The following PUS7 variants were observed in gnomAD, a reference collection of about 807,000 sequenced individuals.
The protein encoded by PUS7 is pseudouridine synthase 7.
Under a neutral mutation model 79.8 loss-of-function variants are expected in PUS7, and 48 were observed. That is an observed-to-expected ratio of 0.60 (90% CI 0.48 to 0.76). The LOEUF (loss-of-function observed/expected upper bound fraction) is 0.76. Among genes scored for constraint, PUS7 ranks in the 30% least tolerant of loss-of-function variants. PUS7 has a pLI of 0.00. For synonymous variants in PUS7, 286 were observed against 272.2 expected, an observed-to-expected ratio of 1.05 and a Z score of -0.50; for missense variants, 729 against 797.6, an observed-to-expected ratio of 0.91 and a Z score of 1.04.
chr7:105,513,456 A>G lies in PUS7; in HGVS notation c.-32-4912T>C, dbSNP rs184230757. Among the ~76,000 whole-genome samples the G allele has an allele frequency of 1.4e-4, 21 of 152,326 alleles. No individual in the cohort carries two copies. The East Asian group carries it at 3.9e-3, about 28-fold the overall frequency. On this transcript the variant is annotated intron_variant, in intron 1 of 15. Transcript: ENST00000469408. The stretch of plus-strand genomic sequence containing the variant: ...TCTCGAATCTGTTTCTTTCTCTGTA[A>G]AAGTAAAATATGATGACTTGGCCAA...
chr7:105,483,239 A>C (rs944234053), intron 7 of PUS7, among the ~76,000 whole-genome samples: 26 of 150,284 alleles, frequency 1.7e-4, no homozygotes, highest in African/African-American at 6.4e-4. Context: ...GCATGATCTC[A>C]GCTCACTCTG....
At chr7:105,514,027 G>A (rs113842306) in intron 1 of PUS7, among the ~76,000 whole-genome samples, 8,134 of 132,604 alleles carry the variant, frequency 0.061, 1,013 homozygotes, top group African/African-American at 0.21. Flanking sequence ...TCAGGAGATC[G>A]AAACCAACCT....
chr7:105,457,667 T>C lies in PUS7; in HGVS notation c.*123A>G. ...CTTTAAGCTAATAAAAACTTAAAAA[T>C]ACAAATAATTTTTATTACAAAGATT... On this transcript the variant is annotated 3_prime_UTR_variant, in exon 16 of 16. Transcript: ENST00000469408. The C allele has an allele frequency of 2.0e-6, 2 of 1,002,038 alleles. No individual in the cohort carries two copies. The highest frequency in any genetic ancestry group is 1.4e-6 in the Non-Finnish European group (1 of 714,554). 62.1% of individuals were successfully genotyped at this position (1,002,038 alleles called of 1,614,324 possible). A position where few individuals can be genotyped will look rare whatever the true frequency, so the allele number is the denominator to read the frequency against.
At chr7:105,499,453 TAA>T (rs1825163420) in intron 5 of PUS7, among the ~76,000 whole-genome samples, 1 of 152,176 alleles carries the variant, frequency 6.6e-6, no homozygotes, top group African/African-American at 2.4e-5. Flanking sequence ...TTTTTTTACA[TAA>T]GTCTTTAAAA....
chr7:105,466,705 C>G (rs2697025), intron 12 of PUS7, among the ~76,000 whole-genome samples: 116,423 of 151,014 alleles, frequency 0.77, 47,941 homozygotes, highest in Non-Finnish European at 0.91. Flanking sequence ...ACTACAAAAT[C>G]GTATTTGCAG....
intron 6 of PUS7, among the ~76,000 whole-genome samples, 169 bp downstream of exon 6, chr7:105,494,973 T>C (rs1469607465): frequency 2.3e-5 from 2 of 85,880 alleles, no homozygotes; most frequent in Non-Finnish European, 4.8e-5. Context: ...TGAGACTGTC[T>C]AAAAAAAAAA....
intron 12 of PUS7, among the ~76,000 whole-genome samples, chr7:105,467,803 C>T (rs1002165496): frequency 5.3e-5 from 8 of 151,880 alleles, no homozygotes; most frequent in South Asian, 2.1e-4. Flanking sequence ...CCAAGGCAGG[C>T]GGATCACCCG....
intron 1 of PUS7, among the ~76,000 whole-genome samples, chr7:105,516,112 T>C (rs1447224717): frequency 6.6e-6 from 1 of 151,432 alleles, no homozygotes; most frequent in Non-Finnish European, 1.5e-5. Flanking sequence ...CCTGGCCTAA[T>C]TTTAGTATTT....
At chr7:105,509,727 CTT>C (rs1825632639) in intron 1 of PUS7, among the ~76,000 whole-genome samples, 1 of 152,194 alleles carries the variant, frequency 6.6e-6, no homozygotes, top group African/African-American at 2.4e-5. Flanking sequence ...AATGCTCTCA[CTT>C]TGGCTTCCCA....
intron 7 of PUS7, among the ~76,000 whole-genome samples, chr7:105,486,948 T>C (rs1049206011): frequency 1.3e-5 from 2 of 151,956 alleles, no homozygotes; most frequent in Non-Finnish European, 2.9e-5. Flanking sequence ...TAATCCCAGC[T>C]ACTCGGGAGG....
intron 1 of PUS7, among the ~76,000 whole-genome samples, chr7:105,514,097 G>A (rs1431695275): frequency 7.3e-6 from 1 of 137,434 alleles, no homozygotes; most frequent in East Asian, 2.2e-4. Flanking sequence ...CGGGTGTGGT[G>A]GCAGGTGCCT....
Position 105,465,338 on chromosome 7 carries a change from G to A in PUS7, c.1602C>T (p.Phe534=), listed in dbSNP as rs751475986. Residue 534 remains phenylalanine, a synonymous_variant, in exon 13 of 16, where the codon TTC becomes TTT. Transcript: ENST00000469408. ...TTTTATGCTTTGGGTAGATAACATC[G>A]AAACCAGGCAAGGGCATTACCACAT... The part of the protein sequence containing the change: ...IHDVVMPLPG[F]DVIYPKHKIQ... 12 of 1,612,532 alleles carry A rather than the reference G, an allele frequency of 7.4e-6. No homozygotes were observed. Among genetic ancestry groups the A allele is most frequent in the Admixed American group, 1.7e-5 (1 of 59,968 alleles).
In PUS7 at chr7:105,491,588, C is replaced by A. The variant is rs2133176108; in HGVS notation, c.872G>T (p.Gly291Val). Reference sequence around the variant, plus strand: ...TGTTATAGCCCTTTTATCTTTGGTTCCCATGTAGGAGAATATATTTGGCTT... The same window carrying A: ...TGTTATAGCCCTTTTATCTTTGGTTACCATGTAGGAGAATATATTTGGCTT... ...RVKPNIFSYMGTKDKRAITVQ... is the reference protein window; with the variant it reads ...RVKPNIFSYMVTKDKRAITVQ... The change falls in exon 7 of 16, where the codon GGA becomes GTA. Residue 291 changes from glycine (G) to valine (V), a missense_variant. Coordinates refer to ENST00000469408, the MANE Select transcript of PUS7 (RefSeq NM_019042.5). 6.2e-7 allele frequency: 1 copy of A among 1,600,976 alleles called. No individual in the cohort carries two copies. Among genetic ancestry groups the A allele is most frequent in the South Asian group, 1.1e-5 (1 of 90,670 alleles).
At chr7:105,497,009 A>G in intron 5 of PUS7, 1 of 1,184,764 alleles carries the variant, frequency 8.4e-7, no homozygotes, top group Non-Finnish European at 1.1e-6. Flanking sequence ...CAAAAGAGCA[A>G]TGTTTAATTT....
Position 105,482,303 on chromosome 7 carries a change from G to T in PUS7, c.1049+9C>A. The T allele has an allele frequency of 6.2e-7, 1 of 1,612,490 alleles. No homozygotes were observed. The highest frequency in any genetic ancestry group is 8.5e-7 in the Non-Finnish European group (1 of 1,179,172). ...CCTCTGGTCTACATTCCCACCTGCAGTTCTTTACCTGAGAACAACAGTGAA... is the reference window on the plus strand; with the variant it reads ...CCTCTGGTCTACATTCCCACCTGCATTTCTTTACCTGAGAACAACAGTGAA... On this transcript the variant is annotated intron_variant, in intron 8 of 15. Transcript: ENST00000469408.
intron 11 of PUS7, 59 bp from the exon 12 acceptor site, chr7:105,468,522 C>G: frequency 8.5e-7 from 1 of 1,170,428 alleles, no homozygotes; most frequent in Non-Finnish European, 1.2e-6. Flanking sequence ...AAGTGCTGTA[C>G]TTTTTTTTTT....
At chr7:105,466,987 C>A (rs1363601011) in intron 12 of PUS7, among the ~76,000 whole-genome samples, 4 of 146,876 alleles carry the variant, frequency 2.7e-5, no homozygotes, top group African/African-American at 1.0e-4. Flanking sequence ...GCCAGAGACA[C>A]ACATGGAGTT....
chr7:105,496,896 CTT>C, intron 5 of PUS7: 1 of 1,140,452 alleles, frequency 8.8e-7, no homozygotes, highest in South Asian at 1.7e-5. Context: ...ATACTTAGCA[CTT>C]GTGACAAAAT....
intron 4 of PUS7, 53 bp downstream of exon 4, chr7:105,505,902 C>G: frequency 7.1e-7 from 1 of 1,417,626 alleles, no homozygotes; most frequent in South Asian, 1.2e-5. Flanking sequence ...AACATCCACC[C>G]AAAAAGCAAC....
Sources: gnomAD v4.1 joint callset for allele counts (sites outside exome capture counted in the v4.1 genomes callset) on GRCh38, gnomAD v4.1.1 for gene constraint, MANE v1.5 for transcripts, NCBI Gene and HGNC (gene_info 2026-07-23, HGNC 2026-07-21) for gene names.